Variants in PARP14 observed in about 807,000 individuals in gnomAD.
The protein encoded by PARP14 is protein mono-ADP-ribosyltransferase PARP14.
A neutral mutation model predicts 154.2 loss-of-function variants in PARP14; 59 were observed. The observed-to-expected ratio is 0.38, with a 90% CI of 0.31 to 0.48. The LOEUF (loss-of-function observed/expected upper bound fraction) is 0.48, where lower values mean the gene tolerates loss of function less well. Ranked by LOEUF, PARP14 falls within the 20% of genes least tolerant of loss-of-function variation. The probability of loss-of-function intolerance (pLI) is 0.98; values close to 1 mark genes in which losing one functional copy is unlikely to be tolerated. For missense variants in PARP14, 1,734 were observed against 2,131.6 expected, an observed-to-expected ratio of 0.81 and a Z score of 3.67; for synonymous variants, 720 against 780.5, an observed-to-expected ratio of 0.92 and a Z score of 1.29.
intron 9 of PARP14, 90 bp downstream of exon 9, chr3:122,708,358 G>GA (rs966227482): frequency 3.8e-4 from 256 of 676,592 alleles, no homozygotes; most frequent in Admixed American, 4.7e-4. Context: ...TAATTTTTAT[G>GA]AAAAAAAAAT....
At chr3:122,703,207 CT>C (rs997903133) in intron 6 of PARP14, among the ~76,000 whole-genome samples, 6 of 152,198 alleles carry the variant, frequency 3.9e-5, no homozygotes, top group Non-Finnish European at 8.8e-5. Context: ...GATTAATCTG[CT>C]CACATTCACT....
intron 15 of PARP14, chr3:122,721,218 C>T (rs13071069): frequency 0.15 from 37,730 of 247,494 alleles, 4,512 homozygotes; most frequent in East Asian, 0.53. Context: ...AGTTCAATGT[C>T]AATAGCTCCC....
chr3:122,727,829 T>G lies in PARP14; in HGVS notation c.4959T>G (p.Asn1653Lys), dbSNP rs200020690. 1 of 1,608,996 alleles carries G rather than the reference T, an allele frequency of 6.2e-7. No individual in the cohort carries two copies. Among genetic ancestry groups the G allele is most frequent in the Non-Finnish European group, 8.5e-7 (1 of 1,176,968 alleles). Reference protein sequence around the residue: ...FRIEKIERIQNPDLWNSYQAK... With the variant: ...FRIEKIERIQKPDLWNSYQAK... ...ATTTGCAGATTGAGAGGATCCAGAA[T>G]CCAGATCTCTGGAATAGCTACCAGG... The change falls in exon 16 of 17, where the codon AAT (asparagine) becomes AAG (lysine). Residue 1653 changes from asparagine (N) to lysine (K), a missense_variant. Transcript: ENST00000474629.
chr3:122,697,184 G>C (rs1267013115), intron 5 of PARP14, among the ~76,000 whole-genome samples: 1 of 152,024 alleles, frequency 6.6e-6, no homozygotes, highest in African/African-American at 2.4e-5. Flanking sequence ...GAACTCCTGG[G>C]CTCAAGCAAT....
At chr3:122,717,252 T>C (rs999296857) in intron 12 of PARP14, among the ~76,000 whole-genome samples, 4 of 152,232 alleles carry the variant, frequency 2.6e-5, no homozygotes, top group African/African-American at 9.6e-5. Context: ...CACATCAGCT[T>C]GGCCAAGGAA....
intron 16 of PARP14, 46 bp downstream of exon 16, chr3:122,728,032 T>C: frequency 3.2e-6 from 5 of 1,545,840 alleles, no homozygotes; most frequent in Non-Finnish European, 4.4e-6. Context: ...GCATCAGCCA[T>C]GAGAGCCCGA....
At chr3:122,724,639 A>G (rs1375118606) in intron 15 of PARP14, among the ~76,000 whole-genome samples, 1 of 151,732 alleles carries the variant, frequency 6.6e-6, no homozygotes, top group African/African-American at 2.4e-5. Context: ...TAATGTTGAA[A>G]AAAAAATTTT....
At position 122,728,236 on chromosome 3, in the gene PARP14, T is replaced by G. The variant is rs966722248; in HGVS notation, c.5117-72T>G. The G allele has an allele frequency of 6.0e-6, 8 of 1,327,694 alleles. No homozygotes were observed. The African/African-American group carries it at 1.2e-4, about 19-fold the overall frequency. The allele number at this position is 1,327,694 out of a possible 1,614,324, so 82.2% of individuals were successfully genotyped here. On this transcript the variant is annotated intron_variant, in intron 16 of 16. Coordinates refer to ENST00000474629, the MANE Select transcript of PARP14 (RefSeq NM_017554.3). ...AGAGAGGCTTTAGAAAGAACATTATTTAACAGATTGGGCCAACATATCAAA... is the reference window on the plus strand; with the variant it reads ...AGAGAGGCTTTAGAAAGAACATTATGTAACAGATTGGGCCAACATATCAAA...
intron 9 of PARP14, among the ~76,000 whole-genome samples, chr3:122,712,097 A>G (rs1405162323): frequency 6.6e-6 from 1 of 151,796 alleles, no homozygotes; most frequent in African/African-American, 2.4e-5. Context: ...AATAGTTTCT[A>G]TTTCTCTGCA....
intron 9 of PARP14, among the ~76,000 whole-genome samples, chr3:122,709,161 G>T (rs1252786870): frequency 6.6e-6 from 1 of 152,126 alleles, no homozygotes; most frequent in Non-Finnish European, 1.5e-5. Context: ...CACCTGAGCA[G>T]CATATACTGT....
intron 5 of PARP14, among the ~76,000 whole-genome samples, chr3:122,695,897 A>G (rs1052890550): frequency 6.6e-6 from 1 of 152,226 alleles, no homozygotes; most frequent in African/African-American, 2.4e-5. Context: ...ATGAGTCTCT[A>G]CCTATGATGG....
At chr3:122,708,054 A>T in intron 8 of PARP14, 136 bp from the exon 9 acceptor site, 1 of 576,714 alleles carries the variant, frequency 1.7e-6, no homozygotes, top group Non-Finnish European at 3.1e-6. Context: ...AAGATCTGCA[A>T]TGAAATTAAA....
At chr3:122,705,965 C>T (rs554676851) in intron 8 of PARP14, among the ~76,000 whole-genome samples, 2 of 152,220 alleles carry the variant, frequency 1.3e-5, no homozygotes, top group South Asian at 4.1e-4. Context: ...TGGAACAGGA[C>T]GAATAGGAAT....
intron 8 of PARP14, among the ~76,000 whole-genome samples, chr3:122,705,985 T>G (rs970267728): frequency 6.6e-6 from 1 of 152,236 alleles, no homozygotes; most frequent in African/African-American, 2.4e-5. Context: ...TAGCACATAC[T>G]TTCCCTCCTA....
chr3:122,715,173 G>A (rs1932958363), intron 12 of PARP14, among the ~76,000 whole-genome samples: 1 of 152,094 alleles, frequency 6.6e-6, no homozygotes, highest in Admixed American at 6.5e-5. Context: ...TGTTCTTTGA[G>A]CTCTTTAGGA....
intron 1 of PARP14, among the ~76,000 whole-genome samples, chr3:122,684,259 C>CT (rs1938301614): frequency 6.6e-6 from 1 of 152,168 alleles, no homozygotes. Context: ...TCAAAAACTC[C>CT]TTTTTTCCCT....
At chr3:122,699,149 T>C (rs149387145) in intron 5 of PARP14, among the ~76,000 whole-genome samples, 29 of 152,334 alleles carry the variant, frequency 1.9e-4, no homozygotes, top group Non-Finnish European at 3.1e-4. Flanking sequence ...AGTATATTGC[T>C]TTTTAATACG....
Position 122,718,176 on chromosome 3 carries a change from T to C in PARP14, c.4106T>C (p.Val1369Ala). The change falls in exon 13 of 17, where the codon GTT (valine) becomes GCT (alanine). Residue 1369 changes from valine to alanine, a missense_variant. Val to Ala is a moderately conservative substitution (Grantham distance 64). Around this residue, in one of 2 missense-constraint regions of PARP14, gnomAD observed 1,646 missense variants for 1,976.0 expected, o/e 0.83. Coordinates refer to ENST00000474629, the MANE Select transcript of PARP14 (RefSeq NM_017554.3). ...SAQSVKKVKVVIFLPQVLDVF... is the reference protein window; with the variant it reads ...SAQSVKKVKVAIFLPQVLDVF... ...CAGTCTGTGAAAAAAGTTAAAGTTG[T>C]TATCTTTCTGCCTCAAGTACTGGAT... 6.2e-7 allele frequency: 1 copy of C among 1,613,720 alleles called. No individual in the cohort carries two copies. Among genetic ancestry groups the C allele is most frequent in the Non-Finnish European group, 8.5e-7 (1 of 1,179,724 alleles).
At chr3:122,683,420 T>C (rs886712941) in intron 1 of PARP14, 1 of 269,240 alleles carries the variant, frequency 3.7e-6, no homozygotes, top group East Asian at 1.8e-4. Context: ...TAGAAACAAA[T>C]GGGAAGCTGT....
Sources: allele counts gnomAD v4.1 joint callset (sites outside exome capture counted in the v4.1 genomes callset), GRCh38; gene constraint gnomAD v4.1.1; regional missense constraint gnomAD v4.1.1; transcripts MANE v1.5; gene names NCBI Gene and HGNC (gene_info 2026-07-23, HGNC 2026-07-21).